GALNT13: variants seen among roughly 807,000 people sequenced by gnomAD.
The protein encoded by GALNT13 is polypeptide N-acetylgalactosaminyltransferase 13.
A neutral mutation model predicts 64.2 loss-of-function variants in GALNT13; 28 were observed. The ratio of observed to expected loss-of-function variants is 0.44; its 90% CI spans 0.32 to 0.60. GALNT13 has a LOEUF of 0.60. GALNT13 is among the 20% of genes least tolerant of loss of function. The pLI, the probability that GALNT13 is intolerant of heterozygous loss-of-function variation, is 0.05. For synonymous variants in GALNT13, 214 were observed against 224.6 expected (o/e 0.95, Z 0.42); for missense variants, 577 against 669.8 (o/e 0.86, Z 1.53).
chr2:154,104,813 C>T (rs1702528104), intron 3 of GALNT13, among the ~76,000 whole-genome samples: 1 of 152,130 alleles, frequency 6.6e-6, no homozygotes, highest in African/African-American at 2.4e-5. Flanking sequence ...GGCTGAGATT[C>T]CCTGGTCAAA....
the GALNT13 span, among the ~76,000 whole-genome samples, chr2:153,365,290 A>G: frequency 6.6e-6 from 1 of 152,304 alleles, no homozygotes; most frequent in East Asian, 1.9e-4. Flanking sequence ...ATAAATCCCT[A>G]GAAGAAAACT....
chr2:153,440,052 A>G, the GALNT13 span, among the ~76,000 whole-genome samples: 1 of 152,240 alleles, frequency 6.6e-6, no homozygotes, highest in African/African-American at 2.4e-5. Flanking sequence ...TGCTGCACCC[A>G]TCAACCCGTC....
At chr2:154,350,923 A>G (rs188344925) in intron 9 of GALNT13, among the ~76,000 whole-genome samples, 38 of 152,290 alleles carry the variant, frequency 2.5e-4, no homozygotes, top group Non-Finnish European at 4.3e-4. Context: ...TAGAGCAGAG[A>G]AAATGTGTTT....
chr2:154,266,713 G>A (rs912631431), intron 8 of GALNT13, among the ~76,000 whole-genome samples: 1 of 151,728 alleles, frequency 6.6e-6, no homozygotes, highest in Non-Finnish European at 1.5e-5. Context: ...GCAATAGCAA[G>A]TGTATTGTAT....
At chr2:153,812,211 C>A in the GALNT13 span, among the ~76,000 whole-genome samples, 1 of 152,152 alleles carries the variant, frequency 6.6e-6, no homozygotes, top group African/African-American at 2.4e-5. Context: ...GCTGACCTCT[C>A]TTTTATTATT....
intron 3 of GALNT13, among the ~76,000 whole-genome samples, chr2:153,974,331 T>G (rs1356148996): frequency 6.6e-6 from 1 of 152,128 alleles, no homozygotes; most frequent in Non-Finnish European, 1.5e-5. Context: ...ATGAGACAGA[T>G]TTGTATTTTA....
chr2:153,632,244 T>A, the GALNT13 span, among the ~76,000 whole-genome samples: 4 of 152,314 alleles, frequency 2.6e-5, no homozygotes, highest in East Asian at 7.7e-4. Context: ...CATAGAACAA[T>A]TCAGCAGAAA....
At chr2:153,400,468 T>G in the GALNT13 span, among the ~76,000 whole-genome samples, 8 of 152,344 alleles carry the variant, frequency 5.3e-5, no homozygotes, top group East Asian at 1.2e-3. Flanking sequence ...TTCCCTCTTT[T>G]TCTGTTGATT....
intron 9 of GALNT13, among the ~76,000 whole-genome samples, chr2:154,328,261 T>G (rs1002724203): frequency 5.3e-5 from 8 of 152,126 alleles, no homozygotes; most frequent in Non-Finnish European, 5.9e-5. Flanking sequence ...CTTATTGAGT[T>G]TATCACACAT....
the GALNT13 span, among the ~76,000 whole-genome samples, chr2:153,365,534 A>C: frequency 6.6e-6 from 1 of 152,340 alleles, no homozygotes; most frequent in East Asian, 1.9e-4. Context: ...AAGGGACTTA[A>C]GCAAATTTAC....
the GALNT13 span, among the ~76,000 whole-genome samples, chr2:153,859,015 T>C: frequency 1.3e-5 from 2 of 152,220 alleles, no homozygotes; most frequent in African/African-American, 4.8e-5. Context: ...ATTACAGGCA[T>C]GAGCCACATG....
At chr2:153,103,956 T>C in the GALNT13 span, among the ~76,000 whole-genome samples, 1 of 152,206 alleles carries the variant, frequency 6.6e-6, no homozygotes, top group Non-Finnish European at 1.5e-5. Flanking sequence ...TGATACATTA[T>C]ATTCTTCTTA....
chr2:153,701,524 C>T, the GALNT13 span, among the ~76,000 whole-genome samples: 2 of 152,130 alleles, frequency 1.3e-5, no homozygotes, highest in Non-Finnish European at 2.9e-5. Flanking sequence ...AGCTTCTGCA[C>T]AGCAAAAGAA....
At chr2:154,151,601 A>T (rs1177538248) in intron 4 of GALNT13, among the ~76,000 whole-genome samples, 1 of 152,170 alleles carries the variant, frequency 6.6e-6, no homozygotes, top group African/African-American at 2.4e-5. Flanking sequence ...TTGCTTTATG[A>T]AACTGGGTGC....
chr2:153,806,839 G>C, the GALNT13 span, among the ~76,000 whole-genome samples: 3 of 152,128 alleles, frequency 2.0e-5, no homozygotes, highest in South Asian at 2.1e-4. Context: ...GTAGATGAAA[G>C]GAACTTAACA....
At chr2:153,398,920 T>G in the GALNT13 span, among the ~76,000 whole-genome samples, 6 of 118,782 alleles carry the variant, frequency 5.1e-5, no homozygotes, top group Middle Eastern at 3.7e-3. Context: ...AGAAGCTCTT[T>G]AGTTTAATTA....
chr2:153,277,638 A>T, the GALNT13 span, among the ~76,000 whole-genome samples: 1 of 152,166 alleles, frequency 6.6e-6, no homozygotes, highest in Non-Finnish European at 1.5e-5. Flanking sequence ...GCTGTTTTCC[A>T]TGGTGGCTGA....
At chr2:153,239,057 T>G in the GALNT13 span, among the ~76,000 whole-genome samples, 1 of 152,118 alleles carries the variant, frequency 6.6e-6, no homozygotes, top group African/African-American at 2.4e-5. Context: ...ATCTTTCACT[T>G]TGGCAACTTT....
the GALNT13 span, among the ~76,000 whole-genome samples, chr2:153,740,590 A>G: frequency 6.6e-6 from 1 of 151,960 alleles, no homozygotes. Flanking sequence ...GTACCATTAT[A>G]TGTATAATTT....
Sources: allele counts gnomAD v4.1 joint callset (sites outside exome capture counted in the v4.1 genomes callset), GRCh38; gene constraint gnomAD v4.1.1; transcripts MANE v1.5; gene names NCBI Gene and HGNC (gene_info 2026-07-23, HGNC 2026-07-21).